Variants in F2R observed in about 807,000 individuals in gnomAD.
The protein encoded by F2R is coagulation factor II thrombin receptor, also known as proteinase-activated receptor 1.
A neutral mutation model predicts 18.3 loss-of-function variants in F2R; 12 were observed. That is an observed-to-expected ratio of 0.66 (90% confidence interval 0.42 to 1.06). The LOEUF (loss-of-function observed/expected upper bound fraction) is 1.06. Among genes scored for constraint, F2R ranks in the 50% least tolerant of loss-of-function variants. The probability of loss-of-function intolerance (pLI) is 0.00; values close to 1 mark genes in which losing one functional copy is unlikely to be tolerated. For synonymous variants in F2R, 210 were observed against 219.9 expected, an observed-to-expected ratio of 0.95 and a Z score of 0.40; for missense variants, 438 against 530.8, an observed-to-expected ratio of 0.83 and a Z score of 1.72.
chr5:76,716,793 C>A, intron 1 of F2R: 1 of 516,648 alleles, frequency 1.9e-6, no homozygotes, highest in Non-Finnish European at 3.4e-6. Flanking sequence ...TATAAAGTGG[C>A]GAACCGCTGC....
rs894514737 is a variant in F2R at position 76,734,979 on chromosome 5, T to C, written c.*1476T>C. ...AGAAAATAGAATTGACATTGAAATC[T>C]AGGAAAATTATTCTATAATTTCCAT... On this transcript the variant is annotated 3_prime_UTR_variant, in exon 2 of 2. Coordinates refer to ENST00000319211, the MANE Select transcript of F2R (RefSeq NM_001992.5). 6.6e-6 allele frequency: 1 copy of C among 152,342 alleles called. No homozygotes were observed. Among genetic ancestry groups the C allele is most frequent in the African/African-American group, 2.4e-5 (1 of 41,462 alleles). The allele number at this position is 152,342 out of a possible 1,614,324, so 9.4% of individuals were successfully genotyped here. A position where few individuals can be genotyped will look rare whatever the true frequency, so the allele number is the denominator to read the frequency against.
In F2R at chr5:76,733,652, G is replaced by A. The variant is rs186599475; in HGVS notation, c.*149G>A. The stretch of plus-strand genomic sequence containing the variant: ...ACCTGCTTTTTATGGGAGCTGTCAA[G>A]CATGTATTTTTGTCAATTACCAGAA... On this transcript the variant is annotated 3_prime_UTR_variant, in exon 2 of 2. Transcript: ENST00000319211. The A allele has an allele frequency of 3.0e-4, 191 of 638,988 alleles. No individual in the cohort carries two copies. Among genetic ancestry groups the A allele is most frequent in the Non-Finnish European group, 4.5e-4 (169 of 379,296 alleles). 39.6% of individuals were successfully genotyped at this position (638,988 alleles called of 1,614,324 possible). A position where few individuals can be genotyped will look rare whatever the true frequency, so the allele number is the denominator to read the frequency against.
At chr5:76,730,946 C>T (rs1288551614) in intron 1 of F2R, among the ~76,000 whole-genome samples, 1 of 152,182 alleles carries the variant, frequency 6.6e-6, no homozygotes, top group Non-Finnish European at 1.5e-5. Context: ...CATAGGGCAG[C>T]GATTGTGGGA....
chr5:76,734,940 T>C lies in F2R; in HGVS notation c.*1437T>C, dbSNP rs1290053435. The C allele has an allele frequency of 6.6e-6, 1 of 152,336 alleles. No individual in the cohort carries two copies. The highest frequency in any genetic ancestry group is 1.5e-5 in the Non-Finnish European group (1 of 68,036). The allele number at this position is 152,336 out of a possible 1,614,324, so 9.4% of individuals were successfully genotyped here. On this transcript the variant is annotated 3_prime_UTR_variant, in exon 2 of 2. Transcript: ENST00000319211. ...TTAAGAATCAATCATGTCAGTCTGC[T>C]TAGAAATAACAGAAGAAAATAGAAT... is the stretch of plus-strand genomic sequence containing the variant.
chr5:76,732,655 C>A lies in F2R; in HGVS notation c.430C>A (p.Leu144Met). 1 of 1,614,038 alleles carries A rather than the reference C, an allele frequency of 6.2e-7. No individual in the cohort carries two copies. Among genetic ancestry groups the A allele is most frequent in the Non-Finnish European group, 8.5e-7 (1 of 1,180,032 alleles). ...KKPAVVYMLH[L>M]ATADVLFVSV... Reference sequence around the variant, plus strand: ...GCCGGCGGTGGTGTACATGCTGCACCTGGCCACGGCAGATGTGCTGTTTGT... The same window carrying A: ...GCCGGCGGTGGTGTACATGCTGCACATGGCCACGGCAGATGTGCTGTTTGT... The change falls in exon 2 of 2, where the codon CTG (leucine) becomes ATG (methionine). Residue 144 changes from leucine (L) to methionine (M), a missense_variant. Transcript: ENST00000319211.
rs1457327822 is a variant in F2R, at chr5:76,735,490, TA to T, written c.*1993del. 1 of 151,610 alleles carries T rather than the reference TA, an allele frequency of 6.6e-6. No homozygotes were observed. Among genetic ancestry groups the T allele is most frequent in the East Asian group, 1.9e-4 (1 of 5,154 alleles). 9.4% of individuals were successfully genotyped at this position (151,610 alleles called of 1,614,324 possible). On this transcript the variant is annotated 3_prime_UTR_variant, in exon 2 of 2. Transcript: ENST00000319211. The stretch of plus-strand genomic sequence containing the variant: ...CTCCATCTCAAAAAATAAAAATAAA[TA>T]AAAAATAAAAAAATAAAAGAGCAAA...
intron 1 of F2R, among the ~76,000 whole-genome samples, chr5:76,725,154 T>A (rs1198662035): frequency 6.6e-6 from 1 of 152,156 alleles, no homozygotes; most frequent in Admixed American, 6.5e-5. Flanking sequence ...AATCCCAGGA[T>A]CAAATGCGAC....
chr5:76,719,884 A>G (rs1748416069), intron 1 of F2R, among the ~76,000 whole-genome samples: 1 of 152,194 alleles, frequency 6.6e-6, no homozygotes, highest in Non-Finnish European at 1.5e-5. Context: ...TACTTTCGCT[A>G]ACAGATGATA....
chr5:76,716,885 G>A (rs1459350394), intron 1 of F2R: 6 of 502,740 alleles, frequency 1.2e-5, no homozygotes, highest in Non-Finnish European at 2.1e-5. Flanking sequence ...AGCCCAGGCA[G>A]TCCCTTGGCA....
chr5:76,722,073 A>G (rs1349539822), intron 1 of F2R, among the ~76,000 whole-genome samples: 1 of 152,194 alleles, frequency 6.6e-6, no homozygotes, highest in African/African-American at 2.4e-5. Flanking sequence ...TATTGTTCTT[A>G]TCATGTCTAG....
chr5:76,724,367 G>A (rs980841853), intron 1 of F2R, among the ~76,000 whole-genome samples: 8 of 152,128 alleles, frequency 5.3e-5, no homozygotes, highest in South Asian at 2.1e-4. Context: ...CACCGTGCCC[G>A]GCCTAACAAT....
In F2R at chr5:76,716,290, C is replaced by G. The variant is rs761655513; in HGVS notation, c.-18C>G. On this transcript the variant is annotated 5_prime_UTR_variant, in exon 1 of 2. Coordinates refer to ENST00000319211, the MANE Select transcript of F2R (RefSeq NM_001992.5). Reference sequence around the variant, plus strand: ...GCGGGGCAGCCTCCCGGAGCAGCGCCGCGCAGAGCCCGGGACAATGGGGCC... The same window carrying G: ...GCGGGGCAGCCTCCCGGAGCAGCGCGGCGCAGAGCCCGGGACAATGGGGCC... The G allele has an allele frequency of 7.4e-7, 1 of 1,360,190 alleles. No individual in the cohort carries two copies. Among genetic ancestry groups the G allele is most frequent in the Non-Finnish European group, 9.4e-7 (1 of 1,062,424 alleles). 84.3% of individuals were successfully genotyped at this position (1,360,190 alleles called of 1,614,324 possible).
rs577274484 is a variant in F2R, at chr5:76,734,715, A to T, written c.*1212A>T. On this transcript the variant is annotated 3_prime_UTR_variant, in exon 2 of 2. Coordinates refer to ENST00000319211, the MANE Select transcript of F2R (RefSeq NM_001992.5). Reference sequence around the variant, plus strand: ...GTAGATCATGCATAGAGTGTGATGTATGTGTAATAAATATGTTTCACACAA... The same window carrying T: ...GTAGATCATGCATAGAGTGTGATGTTTGTGTAATAAATATGTTTCACACAA... 5.9e-5 allele frequency: 9 copies of T among 152,504 alleles called. No homozygotes were observed. The South Asian group carries it at 1.7e-3, about 28-fold the overall frequency. 9.4% of individuals were successfully genotyped at this position (152,504 alleles called of 1,614,324 possible). A position where few individuals can be genotyped will look rare whatever the true frequency, so the allele number is the denominator to read the frequency against.
At chr5:76,728,744 G>A (rs1452814740) in intron 1 of F2R, among the ~76,000 whole-genome samples, 2 of 141,308 alleles carry the variant, frequency 1.4e-5, no homozygotes, top group African/African-American at 5.3e-5. Context: ...AGGCTGGAGT[G>A]CAATGGCGCA....
At position 76,728,629 on chromosome 5, in the gene F2R, G is replaced by T. The variant is rs112205135; in HGVS notation, c.89-3685G>T. 4.0e-3 allele frequency among the ~76,000 whole-genome samples: 607 copies of T among 150,638 alleles called. 3 individuals carry two copies. Among genetic ancestry groups the T allele is most frequent in the Non-Finnish European group, 5.7e-3 (384 of 67,836 alleles). On this transcript the variant is annotated intron_variant, in intron 1 of 1. Coordinates refer to ENST00000319211, the MANE Select transcript of F2R (RefSeq NM_001992.5). ...GATACCTAGTTTGATTCCATAACTG[G>T]GCTATTATAAATAATTCTGCAATGA...
At chr5:76,723,400 G>GCTCCT (rs2150581128) in intron 1 of F2R, among the ~76,000 whole-genome samples, 1 of 152,286 alleles carries the variant, frequency 6.6e-6, no homozygotes, top group African/African-American at 2.4e-5. Context: ...TCAAACCCTG[G>GCTCCT]CTCCTCTACT....
rs768450420 is a variant in F2R at position 76,733,095 on chromosome 5, T to C, written c.870T>C (p.Tyr290=). The change falls in exon 2 of 2, where the codon TAT becomes TAC. Residue 290 remains tyrosine, a synonymous_variant. Coordinates refer to ENST00000319211, the MANE Select transcript of F2R (RefSeq NM_001992.5). ...CGCTGATCATTTCCACGGTCTGTTA[T>C]GTGTCTATCATTCGATGTCTTAGCT... ...FVPLIISTVC[Y]VSIIRCLSSS... 4.3e-6 allele frequency: 7 copies of C among 1,614,246 alleles called. No homozygotes were observed. Among genetic ancestry groups the C allele is most frequent in the Non-Finnish European group, 4.2e-6 (5 of 1,180,048 alleles).
chr5:76,722,470 T>G (rs999494415), intron 1 of F2R, among the ~76,000 whole-genome samples: 1 of 152,218 alleles, frequency 6.6e-6, no homozygotes, highest in African/African-American at 2.4e-5. Context: ...ACACTTTCCT[T>G]ATGTAGTCTT....
At chr5:76,725,660 T>A (rs1748540807) in intron 1 of F2R, among the ~76,000 whole-genome samples, 1 of 152,172 alleles carries the variant, frequency 6.6e-6, no homozygotes, top group Non-Finnish European at 1.5e-5. Flanking sequence ...TTCTTTAATT[T>A]CACAAAAACC....
Sources: gnomAD v4.1 joint callset for allele counts (sites outside exome capture counted in the v4.1 genomes callset) on GRCh38, gnomAD v4.1.1 for gene constraint, MANE v1.5 for transcripts, NCBI Gene and HGNC (gene_info 2026-07-23, HGNC 2026-07-21) for gene names.